Variants in ARL8A observed in about 807,000 individuals in gnomAD.
ARL8A encodes ARF like GTPase 8A, also known as ADP-ribosylation factor-like protein 8A.
A neutral mutation model predicts 31.2 loss-of-function variants in ARL8A; 10 were observed. The observed-to-expected ratio is 0.32, with a 90% CI of 0.20 to 0.54. The LOEUF (loss-of-function observed/expected upper bound fraction) is 0.54, where lower values mean the gene tolerates loss of function less well. Ranked by LOEUF, ARL8A falls within the 20% of genes least tolerant of loss-of-function variation. The pLI, the probability that ARL8A is intolerant of heterozygous loss-of-function variation, is 0.93. For synonymous variants in ARL8A, 70 were observed against 86.9 expected, an observed-to-expected ratio of 0.81 and a Z score of 1.08; for missense variants, 129 against 242.8, an observed-to-expected ratio of 0.53 and a Z score of 3.12.
chr1:202,136,121 C>T (rs1227650184), intron 3 of ARL8A, among the ~76,000 whole-genome samples: 1 of 152,106 alleles, frequency 6.6e-6, no homozygotes, highest in Non-Finnish European at 1.5e-5. Context: ...CTTATGTTTT[C>T]ATGGAAAGAC....
Position 202,138,321 on chromosome 1 carries a change from AC to A in ARL8A, c.204+46del, listed in dbSNP as rs756264995. The stretch of plus-strand genomic sequence containing the variant: ...CACACACACACACACACACACACAC[AC>A]ACACAAAAACAGTCCTCTGCACCCC... On this transcript the variant is annotated intron_variant, in intron 2 of 6. Transcript: ENST00000272217. The surrounding 1 kb of genome is among the most constrained non-coding windows in gnomAD (Gnocchi z 4.4). 1.8e-4 allele frequency: 286 copies of A among 1,556,606 alleles called. 1 individual carries two copies. Among genetic ancestry groups the A allele is most frequent in the Non-Finnish European group, 2.4e-4 (272 of 1,129,200 alleles).
At position 202,135,687 on chromosome 1, in the gene ARL8A, G is replaced by A. The variant is rs373990600; in HGVS notation, c.372+20C>T. On this transcript the variant is annotated intron_variant, in intron 4 of 6. Transcript: ENST00000272217. This position sits in a 1 kb window ranked among gnomAD's most constrained non-coding sequence, Gnocchi z 5.3. ...CCCAGCCGAGCTCCCTCCCCATCCC[G>A]CTCCCTCAGGTCTGCTGACCGGGAT... 1.6e-5 allele frequency: 26 copies of A among 1,609,322 alleles called. No individual in the cohort carries two copies. Among genetic ancestry groups the A allele is most frequent in the Middle Eastern group, 1.7e-4 (1 of 6,026 alleles).
Position 202,144,699 on chromosome 1 carries a change from A to T in ARL8A, c.-127T>A. 1 of 1,000,000 alleles carries T rather than the reference A, an allele frequency of 1.0e-6. No individual in the cohort carries two copies. Among genetic ancestry groups the T allele is most frequent in the South Asian group, 4.6e-5 (1 of 21,604 alleles). 61.9% of individuals were successfully genotyped at this position (1,000,000 alleles called of 1,614,324 possible). On this transcript the variant is annotated 5_prime_UTR_variant, in exon 1 of 7. Transcript: ENST00000272217. This position sits in a 1 kb window ranked among gnomAD's most constrained non-coding sequence, Gnocchi z 5.2. ...GCGGCTCGGTGCGGGCGGAGGCTCG[A>T]GCGCGGCTGCCGACGACTCGCTGCC...
rs1004940083 is a variant in ARL8A, at chr1:202,134,927, C to T, written c.511+223G>A. On this transcript the variant is annotated intron_variant, in intron 6 of 6. Transcript: ENST00000272217. This position sits in a 1 kb window ranked among gnomAD's most constrained non-coding sequence, Gnocchi z 4.2. ...GGGTCCAGCCCTGGAATCTTAGAAA[C>T]GAGGAGGTGAAGCCCAGAGCGGGGA... Among the ~76,000 whole-genome samples, 5 of 152,100 alleles carry T rather than the reference C, an allele frequency of 3.3e-5. No individual in the cohort carries two copies. Among genetic ancestry groups the T allele is most frequent in the African/African-American group, 1.2e-4 (5 of 41,410 alleles).
At chr1:202,136,829 C>A (rs560040237) in intron 3 of ARL8A, among the ~76,000 whole-genome samples, 2 of 152,080 alleles carry the variant, frequency 1.3e-5, no homozygotes, top group Non-Finnish European at 2.9e-5. Context: ...TTGGCCTCCC[C>A]CTGTGCCCTG....
At chr1:202,137,861 A>C in intron 3 of ARL8A, 104 bp downstream of exon 3, 1 of 1,266,644 alleles carries the variant, frequency 7.9e-7, no homozygotes, top group Non-Finnish European at 1.1e-6. Context: ...TCATGAACCA[A>C]GGATTATGTC....
rs1655256413 is a variant in ARL8A at position 202,144,656 on chromosome 1, C to A, written c.-84G>T. On this transcript the variant is annotated 5_prime_UTR_variant, in exon 1 of 7. Transcript: ENST00000272217. This position sits in a 1 kb window ranked among gnomAD's most constrained non-coding sequence, Gnocchi z 5.2. Reference sequence around the variant, plus strand: ...GCTGCGGCCCGGAGCGGCCCCTCCCCGGTACGGCCCGGGTCCCGCGGCTCG... The same window carrying A: ...GCTGCGGCCCGGAGCGGCCCCTCCCAGGTACGGCCCGGGTCCCGCGGCTCG... The A allele has an allele frequency of 4.4e-6, 5 of 1,129,368 alleles. No homozygotes were observed. The Admixed American group carries it at 2.6e-4, about 59-fold the overall frequency. 70.0% of individuals were successfully genotyped at this position (1,129,368 alleles called of 1,614,324 possible).
intron 1 of ARL8A, among the ~76,000 whole-genome samples, chr1:202,140,263 G>A (rs1362510625): frequency 6.6e-6 from 1 of 151,386 alleles, no homozygotes; most frequent in East Asian, 1.9e-4. Context: ...CCAAGTAGCT[G>A]GGACTACAGG....
intron 3 of ARL8A, among the ~76,000 whole-genome samples, chr1:202,137,301 G>A (rs765872589): frequency 6.6e-6 from 1 of 152,150 alleles, no homozygotes; most frequent in Non-Finnish European, 1.5e-5. Flanking sequence ...GGGATTACAG[G>A]TGTGTGGCAC....
Position 202,133,518 on chromosome 1 carries a change from G to A in ARL8A, c.*949C>T, listed in dbSNP as rs968498595. The A allele has an allele frequency of 6.6e-6, 1 of 152,194 alleles. No individual in the cohort carries two copies. Among genetic ancestry groups the A allele is most frequent in the African/African-American group, 2.4e-5 (1 of 41,446 alleles). 9.4% of individuals were successfully genotyped at this position (152,194 alleles called of 1,614,324 possible). On this transcript the variant is annotated 3_prime_UTR_variant, in exon 7 of 7. Transcript: ENST00000272217. The stretch of plus-strand genomic sequence containing the variant: ...AGAGGTTAAATATGAGCTGAAAAGT[G>A]TAAAAAAGGAAGAGGAACATCACTT...
In ARL8A at chr1:202,136,955, C is replaced by T. The variant is rs573175098; in HGVS notation, c.278+1010G>A. Among the ~76,000 whole-genome samples, 392 of 152,026 alleles carry T rather than the reference C, an allele frequency of 2.6e-3. 1 individual carries two copies. Among genetic ancestry groups the T allele is most frequent in the African/African-American group, 9.1e-3 (378 of 41,466 alleles). ...CTGCAAGCTCCGCCTCCTGGGTTCACGCCATTCTCCTGCCTCAGCCTCGCG... is the reference window on the plus strand; with the variant it reads ...CTGCAAGCTCCGCCTCCTGGGTTCATGCCATTCTCCTGCCTCAGCCTCGCG... On this transcript the variant is annotated intron_variant, in intron 3 of 6. Transcript: ENST00000272217.
At chr1:202,141,503 A>G (rs1016441598) in intron 1 of ARL8A, among the ~76,000 whole-genome samples, 64 of 152,066 alleles carry the variant, frequency 4.2e-4, no homozygotes, top group African/African-American at 1.4e-3. Flanking sequence ...TTAGCCAGGC[A>G]TGGTGGTGTA....
rs1220031721 is a variant in ARL8A at position 202,134,255 on chromosome 1, G to A, written c.*212C>T. ...TGGGACAAAGGCAGCGGGGAAGGGT[G>A]AGAAGTTAGGGGACCAGAATGGGGG... On this transcript the variant is annotated 3_prime_UTR_variant, in exon 7 of 7. Coordinates refer to ENST00000272217, the MANE Select transcript of ARL8A (RefSeq NM_138795.4). The surrounding 1 kb of genome is among the most constrained non-coding windows in gnomAD (Gnocchi z 4.2). 1 of 563,008 alleles carries A rather than the reference G, an allele frequency of 1.8e-6. No homozygotes were observed. The highest frequency in any genetic ancestry group is 1.9e-5 in the African/African-American group (1 of 52,806). The allele number at this position is 563,008 out of a possible 1,614,324, so 34.9% of individuals were successfully genotyped here.
chr1:202,141,936 T>TAA (rs112249397), intron 1 of ARL8A, among the ~76,000 whole-genome samples: 4,303 of 152,046 alleles, frequency 0.028, 165 homozygotes, highest in East Asian at 0.15. Flanking sequence ...GGCACGATCT[T>TAA]AACTCACTGC....
chr1:202,139,632 C>CT lies in ARL8A; in HGVS notation c.124-1185dup, dbSNP rs71141457. Among the ~76,000 whole-genome samples, 19 of 50,566 alleles carry CT rather than the reference C, an allele frequency of 3.8e-4. 1 individual carries two copies. The highest frequency in any genetic ancestry group is 7.5e-4 in the East Asian group (1 of 1,332). 33.2% of individuals were successfully genotyped at this position (50,566 alleles called of 152,430 possible). ...GAACCTGAGGGTGATAGCCCTGTTC[C>CT]TTTTTTTTTTTTTTTTTTTTTTTTT... On this transcript the variant is annotated intron_variant, in intron 1 of 6. Transcript: ENST00000272217.
Position 202,138,392 on chromosome 1 carries a change from G to C in ARL8A, c.180C>G (p.Ile60Met). 1 of 1,613,996 alleles carries C rather than the reference G, an allele frequency of 6.2e-7. No homozygotes were observed. Among genetic ancestry groups the C allele is most frequent in the South Asian group, 1.1e-5 (1 of 91,074 alleles). Reference protein sequence around the residue: ...IPTVGFNMRKITKGNVTIKLW... With the variant: ...IPTVGFNMRKMTKGNVTIKLW... The stretch of plus-strand genomic sequence containing the variant: ...CCTTGATAGTCACATTCCCTTTGGT[G>C]ATTTTGCGCATGTTGAAACCCACGG... Residue 60 changes from isoleucine to methionine, a missense_variant, in exon 2 of 7, where the codon ATC (isoleucine) becomes ATG (methionine). Coordinates refer to ENST00000272217, the MANE Select transcript of ARL8A (RefSeq NM_138795.4). The surrounding 1 kb of genome is among the most constrained non-coding windows in gnomAD (Gnocchi z 4.4).
intron 1 of ARL8A, among the ~76,000 whole-genome samples, chr1:202,140,808 A>G (rs1655147091): frequency 1.3e-5 from 2 of 152,058 alleles, no homozygotes; most frequent in South Asian, 4.2e-4. Context: ...AGTCTACCCC[A>G]TCCCCAACAA....
chr1:202,137,893 AG>A (rs1655055704), intron 3 of ARL8A, 71 bp downstream of exon 3: 1 of 1,523,616 alleles, frequency 6.6e-7, no homozygotes, highest in Non-Finnish European at 9.1e-7. Flanking sequence ...TGCGCCTCTG[AG>A]GTCCTCGAAG....
chr1:202,142,025 G>T (rs572495243), intron 1 of ARL8A, among the ~76,000 whole-genome samples: 1 of 152,262 alleles, frequency 6.6e-6, no homozygotes, highest in Admixed American at 6.5e-5. Context: ...CCACCACCAT[G>T]CCTGGCTAAT....
Sources: allele counts gnomAD v4.1 joint callset (sites outside exome capture counted in the v4.1 genomes callset), GRCh38; gene constraint gnomAD v4.1.1; non-coding constraint Gnocchi (gnomAD v3.1); transcripts MANE v1.5; gene names NCBI Gene and HGNC (gene_info 2026-07-23, HGNC 2026-07-21).